EYS: variants seen among roughly 807,000 people sequenced by gnomAD.
EYS encodes EGF-like photoreceptor maintenance factor.
Under a neutral mutation model 282.1 loss-of-function variants are expected in EYS, and 250 were observed. The ratio of observed to expected loss-of-function variants is 0.89; its 90% CI spans 0.80 to 0.98. The LOEUF (loss-of-function observed/expected upper bound fraction) is 0.98. Among genes scored for constraint, EYS ranks in the 50% least tolerant of loss-of-function variants. The pLI is 0.00. For synonymous variants in EYS, 1,355 were observed against 1,282.9 expected (o/e 1.06, Z -1.20); for missense variants, 4,016 against 3,709.0 (o/e 1.08, Z -2.15).
intron 40 of EYS, among the ~76,000 whole-genome samples, chr6:63,763,089 C>G (rs920297606): frequency 6.6e-6 from 1 of 152,018 alleles, no homozygotes; most frequent in African/African-American, 2.4e-5. Context: ...TGCAAACATA[C>G]TGGAGACAAG....
At chr6:64,774,771 T>C (rs1048537713) in intron 22 of EYS, among the ~76,000 whole-genome samples, 19 of 151,950 alleles carry the variant, frequency 1.3e-4, no homozygotes, top group African/African-American at 4.6e-4. Flanking sequence ...TTTACTTTTC[T>C]CAGACTAAAT....
intron 9 of EYS, among the ~76,000 whole-genome samples, chr6:65,352,409 T>C (rs943102725): frequency 1.3e-5 from 2 of 151,898 alleles, no homozygotes; most frequent in African/African-American, 4.8e-5. Flanking sequence ...GTCTTAAGAA[T>C]GTAAATCAAA....
intron 19 of EYS, among the ~76,000 whole-genome samples, chr6:64,844,194 C>G (rs980265817): frequency 6.6e-6 from 1 of 151,920 alleles, no homozygotes; most frequent in Non-Finnish European, 1.5e-5. Context: ...ACTGGTATTA[C>G]TTCATCTCTC....
chr6:64,776,500 A>G (rs986295259), intron 22 of EYS, among the ~76,000 whole-genome samples: 9 of 152,026 alleles, frequency 5.9e-5, no homozygotes, highest in Admixed American at 1.3e-4. Context: ...TTCTCTGGCT[A>G]TCTGAAAGGC....
intron 29 of EYS, among the ~76,000 whole-genome samples, chr6:64,361,312 A>G (rs1490236432): frequency 6.6e-6 from 1 of 151,732 alleles, no homozygotes; most frequent in Non-Finnish European, 1.5e-5. Context: ...GCTGTCCGGA[A>G]AATTCATGGA....
intron 1 of EYS, among the ~76,000 whole-genome samples, chr6:65,681,528 A>G (rs1348433294): frequency 6.6e-6 from 1 of 151,970 alleles, no homozygotes. Context: ...TCTTCACGAT[A>G]TAGCAGAGCT....
At position 64,031,504 on chromosome 6, in the gene EYS, G is replaced by C. The variant is rs188422822; in HGVS notation, c.6726-32321C>G. 1.9e-3 allele frequency among the ~76,000 whole-genome samples: 292 copies of C among 152,358 alleles called. 4 individuals carry two copies. In the East Asian group the frequency reaches 0.04, roughly 21 times the overall value. On this transcript the variant is annotated intron_variant, in intron 33 of 42. Coordinates refer to ENST00000503581, the MANE Select transcript of EYS (RefSeq NM_001142800.2). ...CCATCGACCACCCAAGGGCTGAGGA[G>C]TGCAGGCGCAGGGCGCAGGACTGGC...
chr6:64,147,368 C>T (rs1460964645), intron 31 of EYS, among the ~76,000 whole-genome samples: 2 of 152,100 alleles, frequency 1.3e-5, no homozygotes, highest in Non-Finnish European at 2.9e-5. Flanking sequence ...TTACCAATAT[C>T]ATGTCAGATA....
chr6:64,165,805 T>C (rs1451724114), intron 31 of EYS, among the ~76,000 whole-genome samples: 2 of 152,194 alleles, frequency 1.3e-5, no homozygotes, highest in Admixed American at 6.5e-5. Flanking sequence ...TGAGTGCTTA[T>C]CCAATATACT....
At position 64,822,515 on chromosome 6, in the gene EYS, TC is replaced by T. The variant is rs1264056945; in HGVS notation, c.3164+135del. Reference sequence around the variant, plus strand: ...TAGCTAAAACTGGCAGCATCTGTCATCTTAAATGTACTTAGCTCTTGTTTTA... The same window carrying T: ...TAGCTAAAACTGGCAGCATCTGTCATTTAAATGTACTTAGCTCTTGTTTTA... On this transcript the variant is annotated intron_variant, in intron 20 of 42. Transcript: ENST00000503581. 5 of 708,270 alleles carry T rather than the reference TC, an allele frequency of 7.1e-6. No homozygotes were observed. The African/African-American group carries it at 9.2e-5, about 13-fold the overall frequency. 43.9% of individuals were successfully genotyped at this position (708,270 alleles called of 1,614,324 possible). A position where few individuals can be genotyped will look rare whatever the true frequency, so the allele number is the denominator to read the frequency against.
chr6:64,694,303 T>C (rs1770502140), intron 22 of EYS, among the ~76,000 whole-genome samples: 1 of 152,138 alleles, frequency 6.6e-6, no homozygotes, highest in South Asian at 2.1e-4. Flanking sequence ...AACCATTGAA[T>C]GCTTTTAAAA....
intron 22 of EYS, among the ~76,000 whole-genome samples, chr6:64,790,680 C>T (rs1056902066): frequency 1.3e-5 from 2 of 151,722 alleles, no homozygotes; most frequent in South Asian, 4.1e-4. Flanking sequence ...CAAATGTAGA[C>T]AAAGGAAATA....
chr6:64,630,044 C>G (rs1181083587), intron 22 of EYS, among the ~76,000 whole-genome samples: 1 of 151,864 alleles, frequency 6.6e-6, no homozygotes, highest in Admixed American at 6.6e-5. Flanking sequence ...TAAAATGTAG[C>G]CTTTATTAGG....
At chr6:64,679,330 T>C (rs1769817666) in intron 22 of EYS, among the ~76,000 whole-genome samples, 1 of 152,192 alleles carries the variant, frequency 6.6e-6, no homozygotes, top group African/African-American at 2.4e-5. Flanking sequence ...TTTTTGGATA[T>C]ATATAGCCTA....
chr6:64,091,591 C>T (rs901325705), intron 31 of EYS, among the ~76,000 whole-genome samples: 1 of 152,156 alleles, frequency 6.6e-6, no homozygotes, highest in African/African-American at 2.4e-5. Context: ...ACCCAGGCCT[C>T]TACGTTGATG....
At chr6:65,270,521 C>T (rs746547666) in intron 12 of EYS, among the ~76,000 whole-genome samples, 2 of 152,254 alleles carry the variant, frequency 1.3e-5, no homozygotes, top group African/African-American at 4.8e-5. Context: ...GCTTAACACA[C>T]TTTCTCATTT....
intron 14 of EYS, among the ~76,000 whole-genome samples, chr6:64,991,668 CCA>C (rs1771069440): frequency 6.6e-6 from 1 of 151,384 alleles, no homozygotes; most frequent in Non-Finnish European, 1.5e-5. Flanking sequence ...ATTATCTCTC[CCA>C]CAAAAGAATT....
intron 15 of EYS, among the ~76,000 whole-genome samples, chr6:64,944,016 A>G (rs1458055447): frequency 6.6e-6 from 1 of 152,134 alleles, no homozygotes; most frequent in Non-Finnish European, 1.5e-5. Flanking sequence ...AACAACAATA[A>G]CAGACACACA....
chr6:65,393,255 T>C (rs1328861614), intron 7 of EYS, among the ~76,000 whole-genome samples: 1 of 152,130 alleles, frequency 6.6e-6, no homozygotes, highest in Admixed American at 6.6e-5. Flanking sequence ...CGCACCAGCA[T>C]GGCACATGTA....
Sources: allele counts gnomAD v4.1 joint callset (sites outside exome capture counted in the v4.1 genomes callset), GRCh38; gene constraint gnomAD v4.1.1; transcripts MANE v1.5; gene names NCBI Gene and HGNC (gene_info 2026-07-23, HGNC 2026-07-21).